CHD4: variants seen among roughly 807,000 people sequenced by gnomAD.
CHD4 encodes the protein chromodomain helicase DNA binding protein 4, also known as ATP-dependent chromatin remodeler CHD4.
In CHD4, 35 loss-of-function variants were observed where a neutral mutation model predicts 235.5. The observed-to-expected ratio is 0.15, with a 90% CI of 0.11 to 0.20. The LOEUF (loss-of-function observed/expected upper bound fraction) is 0.20, where lower values mean the gene tolerates loss of function less well. CHD4 is among the 10% of genes least tolerant of loss of function. The pLI is 1.00. For synonymous variants in CHD4, 900 were observed against 850.2 expected (o/e 1.06, Z -1.02); for missense variants, 1,329 against 2,432.3 (o/e 0.55, Z 9.54).
At chr12:6,606,802 G>C (rs1194225507) in intron 1 of CHD4, 1 of 144,484 alleles carries the variant, frequency 6.9e-6, no homozygotes, top group Non-Finnish European at 1.5e-5. Context: ...GGGACACAAG[G>C]TCACTTGGGG....
In CHD4 at chr12:6,594,707, T is replaced by C. The variant is rs1394447960; in HGVS notation, c.2122-57A>G. ...GCAAGGAACTCCCCTCCTCCCCTAA[T>C]AGAGCAGCTGCTTCCTCCTCACTAG... On this transcript the variant is annotated intron_variant, in intron 14 of 39. Transcript: ENST00000544040. The C allele has an allele frequency of 1.0e-5, 15 of 1,498,538 alleles. No individual in the cohort carries two copies. The East Asian group carries it at 2.7e-4, about 27-fold the overall frequency. 92.8% of individuals were successfully genotyped at this position (1,498,538 alleles called of 1,614,324 possible).
Position 6,570,850 on chromosome 12 carries a change from A to G in CHD4, c.5721+19T>C, listed in dbSNP as rs762738200. On this transcript the variant is annotated intron_variant, in intron 39 of 39. Coordinates refer to ENST00000544040, the MANE Select transcript of CHD4 (RefSeq NM_001273.5). Reference sequence around the variant, plus strand: ...TGGTTCTGCAGGAAGAGGTGGTGTCAAGAAGAAAATGGTCCTACCTGCTGT... The same window carrying G: ...TGGTTCTGCAGGAAGAGGTGGTGTCGAGAAGAAAATGGTCCTACCTGCTGT... 1 of 1,613,908 alleles carries G rather than the reference A, an allele frequency of 6.2e-7. No homozygotes were observed. Among genetic ancestry groups the G allele is most frequent in the Admixed American group, 1.7e-5 (1 of 60,016 alleles).
chr12:6,593,774 A>G lies in CHD4; in HGVS notation c.2314-158T>C, dbSNP rs1273876406. 6.6e-6 allele frequency among the ~76,000 whole-genome samples: 1 copy of G among 151,706 alleles called. No individual in the cohort carries two copies. Among genetic ancestry groups the G allele is most frequent in the Admixed American group, 6.6e-5 (1 of 15,226 alleles). ...CTTCCTCTATACAAGTGCCCAGCCC[A>G]CTCCTTTCCAAAAACCCAAGGTCCC... On this transcript the variant is annotated intron_variant, in intron 15 of 39. Transcript: ENST00000544040. The surrounding 1 kb of genome is among the most constrained non-coding windows in gnomAD (Gnocchi z 4.9).
chr12:6,595,488 T>A, intron 13 of CHD4, 58 bp from the exon 14 acceptor site: 1 of 1,491,352 alleles, frequency 6.7e-7, no homozygotes, highest in Non-Finnish European at 9.3e-7. Flanking sequence ...AAGAAACAAC[T>A]TGGCCAGGCA....
Position 6,581,636 on chromosome 12 carries a change from C to T in CHD4, c.4681+13G>A, listed in dbSNP as rs1284344507. 6.2e-7 allele frequency: 1 copy of T among 1,613,924 alleles called. No individual in the cohort carries two copies. Among genetic ancestry groups the T allele is most frequent in the East Asian group, 2.2e-5 (1 of 44,882 alleles). On this transcript the variant is annotated intron_variant, in intron 31 of 39. Transcript: ENST00000544040. ...AAGAGAGGGACAGAAAATGATAGGA[C>T]AGGCAGACTTACCAGCAGGTGGGAC...
chr12:6,606,193 C>T lies in CHD4; in HGVS notation c.100+81G>A, dbSNP rs939184945. The stretch of plus-strand genomic sequence containing the variant: ...TCTGCACAGAGACAGCGGAGCAACA[C>T]AGCCCTGCCTCACCAGAGGAGTCAC... On this transcript the variant is annotated intron_variant, in intron 2 of 39. Transcript: ENST00000544040. 4 of 951,908 alleles carry T rather than the reference C, an allele frequency of 4.2e-6. No homozygotes were observed. In the South Asian group the frequency reaches 6.2e-5, roughly 15 times the overall value. 59.0% of individuals were successfully genotyped at this position (951,908 alleles called of 1,614,324 possible).
At position 6,593,637 on chromosome 12, in the gene CHD4, G is replaced by A. The variant is rs776328444; in HGVS notation, c.2314-21C>T. ...TGACCCTTTGAGAAAAAAGAGGAGA[G>A]TCAGGACTGAGGGCCCCAGCACACT... On this transcript the variant is annotated intron_variant, in intron 15 of 39. Coordinates refer to ENST00000544040, the MANE Select transcript of CHD4 (RefSeq NM_001273.5). This position sits in a 1 kb window ranked among gnomAD's most constrained non-coding sequence, Gnocchi z 4.9. The A allele has an allele frequency of 5.0e-6, 8 of 1,611,794 alleles. No individual in the cohort carries two copies. The highest frequency in any genetic ancestry group is 3.4e-6 in the Non-Finnish European group (4 of 1,178,626).
At position 6,593,581 on chromosome 12, in the gene CHD4, A is replaced by C. The variant is rs756606295; in HGVS notation, c.2349T>G (p.Pro783=). The change falls in exon 16 of 40, where the codon CCT becomes CCG. Residue 783 remains proline (P), a synonymous_variant. Transcript: ENST00000544040. This position sits in a 1 kb window ranked among gnomAD's most constrained non-coding sequence, Gnocchi z 4.9. The part of the protein sequence containing the change: ...HSKGPFLVSA[P]LSTIINWERE... ...GCTCCCAGTTGATGATGGTAGAAAG[A>C]GGGGCGCTCACTAGGAAGGGGCCTT... 2.2e-5 allele frequency: 36 copies of C among 1,614,160 alleles called. 1 individual carries two copies. The South Asian group carries it at 3.7e-4, about 17-fold the overall frequency.
At chr12:6,589,569 C>T (rs1482048385) in intron 22 of CHD4, among the ~76,000 whole-genome samples, 1 of 151,614 alleles carries the variant, frequency 6.6e-6, no homozygotes, top group African/African-American at 2.4e-5. Flanking sequence ...GAGATCGAGA[C>T]CATCCTGGCC....
intron 37 of CHD4, among the ~76,000 whole-genome samples, chr12:6,576,585 T>G (rs935654909): frequency 2.6e-5 from 4 of 152,194 alleles, no homozygotes; most frequent in African/African-American, 9.6e-5. Context: ...GATTAGCCAC[T>G]GTGTCTGCCT....
rs148705976 is a variant in CHD4, at chr12:6,601,772, G to A, written c.439-6C>T. On this transcript the variant is annotated splice_polypyrimidine_tract_variant and splice_region_variant and intron_variant, in intron 4 of 39. Coordinates refer to ENST00000544040, the MANE Select transcript of CHD4 (RefSeq NM_001273.5). ...TGAGCAGATGATTTAGGCTCCTGCA[G>A]AAAGAGCAAAGTCAAGTAAGTACCT... 3.1e-6 allele frequency: 5 copies of A among 1,612,810 alleles called. No individual in the cohort carries two copies. Among genetic ancestry groups the A allele is most frequent in the Non-Finnish European group, 3.4e-6 (4 of 1,178,870 alleles).
intron 13 of CHD4, 105 bp downstream of exon 13, chr12:6,595,901 T>C (rs1304743500): frequency 2.4e-5 from 31 of 1,297,530 alleles, no homozygotes; most frequent in Non-Finnish European, 3.1e-5. Flanking sequence ...GAGGTTGCAG[T>C]GAGTCAAGAT....
chr12:6,596,322 G>A (rs1948494150), intron 12 of CHD4, among the ~76,000 whole-genome samples, 185 bp from the exon 13 acceptor site: 1 of 152,158 alleles, frequency 6.6e-6, no homozygotes, highest in Admixed American at 6.5e-5. Context: ...CTTTCCTAGA[G>A]CTCAAACACC....
Position 6,602,424 on chromosome 12 carries a change from C to A in CHD4, c.174G>T (p.Lys58Asn). Reference protein sequence around the residue: ...TPKLKKKKKPKKPRDPKIPKS... With the variant: ...TPKLKKKKKPNKPRDPKIPKS... ...TAGGGATTTTAGGGTCCCGAGGTTT[C>A]TTAGGCTTTTTCTTCTTCTTGAGCT... The change falls in exon 3 of 40, where the codon AAG becomes AAT. Residue 58 changes from lysine (K) to asparagine (N), a missense_variant. Lys to Asn is a moderately conservative substitution (Grantham distance 94). Transcript: ENST00000544040. The A allele has an allele frequency of 6.2e-7, 1 of 1,614,142 alleles. No individual in the cohort carries two copies. Among genetic ancestry groups the A allele is most frequent in the Non-Finnish European group, 8.5e-7 (1 of 1,180,032 alleles).
intron 12 of CHD4, 89 bp downstream of exon 12, chr12:6,597,805 T>C: frequency 4.3e-6 from 5 of 1,170,674 alleles, no homozygotes; most frequent in Non-Finnish European, 6.3e-6. Flanking sequence ...GTCTTCCAAG[T>C]CTAAGTTACT....
Position 6,596,149 on chromosome 12 carries a change from G to A in CHD4, c.1893-12C>T. 6.2e-7 allele frequency: 1 copy of A among 1,610,608 alleles called. No homozygotes were observed. The highest frequency in any genetic ancestry group is 1.1e-5 in the South Asian group (1 of 90,386). On this transcript the variant is annotated splice_polypyrimidine_tract_variant and intron_variant, in intron 12 of 39. Coordinates refer to ENST00000544040, the MANE Select transcript of CHD4 (RefSeq NM_001273.5). The stretch of plus-strand genomic sequence containing the variant: ...CCTTCTTGTCCACACTGCAAGTCCA[G>A]GAGAGAAAACCCTCAGAGCCAGAAA...
At position 6,570,857 on chromosome 12, in the gene CHD4, A is replaced by G; in HGVS notation, c.5721+12T>C. The G allele has an allele frequency of 6.2e-7, 1 of 1,614,012 alleles. No homozygotes were observed. ...GCAGGAAGAGGTGGTGTCAAGAAGAAAATGGTCCTACCTGCTGTGGGGTAG... is the reference window on the plus strand; with the variant it reads ...GCAGGAAGAGGTGGTGTCAAGAAGAGAATGGTCCTACCTGCTGTGGGGTAG... On this transcript the variant is annotated intron_variant, in intron 39 of 39. Coordinates refer to ENST00000544040, the MANE Select transcript of CHD4 (RefSeq NM_001273.5).
intron 25 of CHD4, among the ~76,000 whole-genome samples, chr12:6,585,106 C>G (rs1263781860): frequency 2.0e-5 from 3 of 152,056 alleles, no homozygotes; most frequent in Non-Finnish European, 4.4e-5. Flanking sequence ...CTGAAAGAAC[C>G]CGGAGCTGAG....
intron 7 of CHD4, 23 bp downstream of exon 7, chr12:6,600,903 A>T: frequency 6.4e-7 from 1 of 1,557,044 alleles, no homozygotes; most frequent in Non-Finnish European, 8.6e-7. Flanking sequence ...CACCCTCCCT[A>T]AAGCGATGGG....
Sources: allele counts gnomAD v4.1 joint callset (sites outside exome capture counted in the v4.1 genomes callset), GRCh38; gene constraint gnomAD v4.1.1; non-coding constraint Gnocchi (gnomAD v3.1); transcripts MANE v1.5; gene names NCBI Gene and HGNC (gene_info 2026-07-23, HGNC 2026-07-21).